The following PAPPA2 variants were observed in gnomAD, a reference collection of about 807,000 sequenced individuals.
PAPPA2 encodes pappalysin-2.
In PAPPA2, 86 loss-of-function variants were observed where a neutral mutation model predicts 176.4. That is an observed-to-expected ratio of 0.49 (90% CI 0.41 to 0.58). PAPPA2 has a LOEUF of 0.58. PAPPA2 is among the 20% of genes least tolerant of loss of function. The pLI is 0.00. For synonymous variants in PAPPA2, 809 were observed against 852.2 expected, an observed-to-expected ratio of 0.95 and a Z score of 0.88; for missense variants, 2,073 against 2,256.9, an observed-to-expected ratio of 0.92 and a Z score of 1.65.
chr1:176,472,637 G>T (rs1245153372), intron 1 of PAPPA2, among the ~76,000 whole-genome samples: 7 of 151,968 alleles, frequency 4.6e-5, no homozygotes, highest in Non-Finnish European at 1.0e-4. Flanking sequence ...TTTTCAGTGG[G>T]CAGAGCTACA....
At chr1:176,803,655 T>C (rs993246945) in intron 21 of PAPPA2, among the ~76,000 whole-genome samples, 9 of 152,180 alleles carry the variant, frequency 5.9e-5, no homozygotes, top group African/African-American at 2.2e-4. Context: ...TTTGCAGTGA[T>C]TTCCTAATTG....
At chr1:176,663,078 G>A (rs2102761378) in intron 3 of PAPPA2, among the ~76,000 whole-genome samples, 1 of 152,306 alleles carries the variant, frequency 6.6e-6, no homozygotes, top group Admixed American at 6.5e-5. Context: ...CTCACTTGAA[G>A]TTGGGGCTAA....
chr1:176,525,401 G>A (rs6663199), intron 1 of PAPPA2, among the ~76,000 whole-genome samples: 32,339 of 152,010 alleles, frequency 0.21, 4,052 homozygotes, highest in African/African-American at 0.34. Flanking sequence ...GATATAATGT[G>A]ATACATTAGG....
At chr1:176,690,953 C>T (rs1320715493) in intron 5 of PAPPA2, 4 of 982,860 alleles carry the variant, frequency 4.1e-6, no homozygotes, top group Non-Finnish European at 4.8e-6. Context: ...TTTTCCAGCA[C>T]TAGTCAAGCA....
intron 1 of PAPPA2, among the ~76,000 whole-genome samples, chr1:176,469,778 C>T (rs1651789038): frequency 6.6e-6 from 1 of 152,164 alleles, no homozygotes; most frequent in Non-Finnish European, 1.5e-5. Context: ...TAGGGGTCCA[C>T]AGCAGTTGTC....
chr1:176,507,374 T>G (rs1170510342), intron 1 of PAPPA2, among the ~76,000 whole-genome samples: 1 of 152,126 alleles, frequency 6.6e-6, no homozygotes, highest in African/African-American at 2.4e-5. Flanking sequence ...GGAAAGCAGT[T>G]TGGAGATTTC....
chr1:176,809,484 T>G (rs931169389), intron 21 of PAPPA2, among the ~76,000 whole-genome samples: 2 of 152,172 alleles, frequency 1.3e-5, no homozygotes, highest in Non-Finnish European at 2.9e-5. Context: ...GTCTTGGACC[T>G]CTCTCTGCCT....
At chr1:176,602,730 G>A (rs1654398910) in intron 3 of PAPPA2, among the ~76,000 whole-genome samples, 1 of 152,082 alleles carries the variant, frequency 6.6e-6, no homozygotes. Context: ...AAAACTGCCA[G>A]TTCCCTCACT....
chr1:176,802,480 A>T (rs753928234), intron 21 of PAPPA2, among the ~76,000 whole-genome samples: 3 of 152,214 alleles, frequency 2.0e-5, no homozygotes, highest in Non-Finnish European at 4.4e-5. Context: ...TAGGGAGAAC[A>T]GAAGAGTGTC....
At chr1:176,653,377 C>T (rs929180680) in intron 3 of PAPPA2, among the ~76,000 whole-genome samples, 1 of 151,706 alleles carries the variant, frequency 6.6e-6, no homozygotes, top group Non-Finnish European at 1.5e-5. Flanking sequence ...TTCATCCTCC[C>T]CCTTTATTGC....
At chr1:176,479,302 G>A (rs1652278390) in intron 1 of PAPPA2, among the ~76,000 whole-genome samples, 1 of 152,148 alleles carries the variant, frequency 6.6e-6, no homozygotes, top group South Asian at 2.1e-4. Context: ...TTTTTGGCTT[G>A]TTGTTCTTCT....
At chr1:176,540,580 C>T (rs1016301801) in intron 1 of PAPPA2, among the ~76,000 whole-genome samples, 1 of 152,180 alleles carries the variant, frequency 6.6e-6, no homozygotes, top group African/African-American at 2.4e-5. Flanking sequence ...ACAGTGGTGG[C>T]TGGTATCTAG....
At chr1:176,809,996 G>GTT in intron 21 of PAPPA2, among the ~76,000 whole-genome samples, 1 of 134,590 alleles carries the variant, frequency 7.4e-6, no homozygotes, top group Non-Finnish European at 1.6e-5. Flanking sequence ...GTGTGTGTGT[G>GTT]TGTGTTACAG....
intron 12 of PAPPA2, among the ~76,000 whole-genome samples, chr1:176,720,168 A>G (rs1369893115): frequency 6.6e-6 from 1 of 152,200 alleles, no homozygotes; most frequent in Non-Finnish European, 1.5e-5. Context: ...AACTGTCAGT[A>G]TATAATTTTA....
intron 21 of PAPPA2, among the ~76,000 whole-genome samples, chr1:176,803,136 A>G (rs1665753472): frequency 2.0e-5 from 3 of 151,880 alleles, no homozygotes; most frequent in Non-Finnish European, 4.4e-5. Context: ...ATGGCAACTT[A>G]GTTAATGGAA....
chr1:176,603,904 C>T (rs1244419267), intron 3 of PAPPA2, among the ~76,000 whole-genome samples: 3 of 152,186 alleles, frequency 2.0e-5, no homozygotes, highest in Admixed American at 2.0e-4. Context: ...CCCCCTAATT[C>T]TCCAGCAGCT....
chr1:176,469,380 A>G (rs1040911559), intron 1 of PAPPA2, among the ~76,000 whole-genome samples: 2 of 152,072 alleles, frequency 1.3e-5, no homozygotes, highest in Non-Finnish European at 2.9e-5. Flanking sequence ...GTGGGGTGCC[A>G]CTGAACATGA....
intron 21 of PAPPA2, among the ~76,000 whole-genome samples, chr1:176,818,193 G>A (rs913776226): frequency 2.0e-5 from 3 of 152,166 alleles, no homozygotes; most frequent in African/African-American, 7.2e-5. Flanking sequence ...TTCATGGAAA[G>A]ACTTTTGAGA....
intron 21 of PAPPA2, among the ~76,000 whole-genome samples, chr1:176,806,495 T>C (rs978066428): frequency 4.6e-5 from 7 of 152,120 alleles, no homozygotes; most frequent in Admixed American, 2.0e-4. Flanking sequence ...GATGGAGAAG[T>C]AGAAAATAAA....
Sources: allele counts gnomAD v4.1 joint callset (sites outside exome capture counted in the v4.1 genomes callset), GRCh38; gene constraint gnomAD v4.1.1; transcripts MANE v1.5; gene names NCBI Gene and HGNC (gene_info 2026-07-23, HGNC 2026-07-21).